KCNMB1: variants seen among roughly 807,000 people sequenced by gnomAD.
KCNMB1 encodes calcium-activated potassium channel subunit beta-1.
Under a neutral mutation model 21.7 loss-of-function variants are expected in KCNMB1, and 22 were observed. The ratio of observed to expected loss-of-function variants is 1.01; its 90% CI spans 0.72 to 1.45. The LOEUF (loss-of-function observed/expected upper bound fraction) is 1.45. Among genes scored for constraint, KCNMB1 ranks in the 40% most tolerant of loss-of-function variants. The probability of loss-of-function intolerance (pLI) is 0.00; values close to 1 mark genes in which losing one functional copy is unlikely to be tolerated. For missense variants in KCNMB1, 243 were observed against 243.4 expected, an observed-to-expected ratio of 1.00 and a Z score of 0.01; for synonymous variants, 114 against 107.6, an observed-to-expected ratio of 1.06 and a Z score of -0.37.
At position 170,377,266 on chromosome 5, in the gene KCNMB1, A is replaced by G. The variant is rs1764041309; in HGVS notation, c.*1438T>C. On this transcript the variant is annotated 3_prime_UTR_variant, in exon 4 of 4. Transcript: ENST00000274629. ...CATTGTTAGAACACAGAACATTGCT[A>G]CCCCCACCCCGTGCAGGGCTTCTGG... 1 of 151,974 alleles carries G rather than the reference A, an allele frequency of 6.6e-6. No homozygotes were observed. Among genetic ancestry groups the G allele is most frequent in the African/African-American group, 2.4e-5 (1 of 41,310 alleles). The allele number at this position is 151,974 out of a possible 1,614,324, so 9.4% of individuals were successfully genotyped here.
intron 1 of KCNMB1, among the ~76,000 whole-genome samples, chr5:170,385,846 G>A (rs1051560296): frequency 6.6e-6 from 1 of 152,038 alleles, no homozygotes; most frequent in African/African-American, 2.4e-5. Context: ...AAGGCCAGGT[G>A]CGGTGGCTCA....
At chr5:170,387,412 C>T (rs1338558051) in intron 1 of KCNMB1, among the ~76,000 whole-genome samples, 1 of 152,192 alleles carries the variant, frequency 6.6e-6, no homozygotes, top group Non-Finnish European at 1.5e-5. Flanking sequence ...ACTCCCTCCC[C>T]TTAGCCAGGC....
At chr5:170,386,480 C>A (rs1764477793) in intron 1 of KCNMB1, among the ~76,000 whole-genome samples, 1 of 152,146 alleles carries the variant, frequency 6.6e-6, no homozygotes, top group Non-Finnish European at 1.5e-5. Context: ...GTCATAGGTC[C>A]CATGCGGTGA....
rs1057351588 is a variant in KCNMB1, at chr5:170,378,791, C to A, written c.489G>T (p.Trp163Cys). Residue 163 changes from tryptophan (W) to cysteine (C), a missense_variant, in exon 4 of 4, where the codon TGG (tryptophan) becomes TGT (cysteine). Coordinates refer to ENST00000274629, the MANE Select transcript of KCNMB1 (RefSeq NM_004137.4). ...GGCCACCGGTCAGCAGGAAGGTGGG[C>A]CAGAAGAGGGAGAAGAGGAGGGCCT... ...GPQALLFSLF[W>C]PTFLLTGGLL... 1.9e-6 allele frequency: 3 copies of A among 1,614,168 alleles called. No homozygotes were observed. The highest frequency in any genetic ancestry group is 1.7e-6 in the Non-Finnish European group (2 of 1,180,038).
At chr5:170,380,144 T>C (rs1203083011) in intron 3 of KCNMB1, among the ~76,000 whole-genome samples, 2 of 152,292 alleles carry the variant, frequency 1.3e-5, no homozygotes, top group East Asian at 3.9e-4. Context: ...CGTTGATTAT[T>C]GTTATTAGGA....
intron 3 of KCNMB1, among the ~76,000 whole-genome samples, chr5:170,381,682 C>T (rs1581130400): frequency 6.6e-6 from 1 of 152,366 alleles, no homozygotes; most frequent in East Asian, 1.9e-4. Context: ...GTCCTTCCTT[C>T]ACATCCTGCT....
At position 170,385,379 on chromosome 5, in the gene KCNMB1, CA is replaced by C. The variant is rs1329143845; in HGVS notation, c.68del (p.Met23ArgfsTer33). ...ETRALCLGVT[M>X]VVCAVITYYI... ...AGTAGGTGATGACGGCACACACCACCATGGTTACACCCAGGCAAAGGGCTCG... is the reference window on the plus strand; with the variant it reads ...AGTAGGTGATGACGGCACACACCACCTGGTTACACCCAGGCAAAGGGCTCG... On this transcript the variant is annotated frameshift_variant, in exon 2 of 4. Coordinates refer to ENST00000274629, the MANE Select transcript of KCNMB1 (RefSeq NM_004137.4). LOFTEE classifies it high-confidence loss of function. 6.2e-7 allele frequency: 1 copy of C among 1,614,090 alleles called. No homozygotes were observed.
rs189792863 is a variant in KCNMB1, at chr5:170,375,246, T to C, written c.*3458A>G. 1 of 152,356 alleles carries C rather than the reference T, an allele frequency of 6.6e-6. No homozygotes were observed. The highest frequency in any genetic ancestry group is 1.5e-5 in the Non-Finnish European group (1 of 68,036). 9.4% of individuals were successfully genotyped at this position (152,356 alleles called of 1,614,324 possible). On this transcript the variant is annotated 3_prime_UTR_variant, in exon 4 of 4. Coordinates refer to ENST00000274629, the MANE Select transcript of KCNMB1 (RefSeq NM_004137.4). ...ATTTTGCAAAACTATAGTACAATATTACAATTAAGACTTTCTTAAAAGACT... is the reference window on the plus strand; with the variant it reads ...ATTTTGCAAAACTATAGTACAATATCACAATTAAGACTTTCTTAAAAGACT...
intron 2 of KCNMB1, 80 bp from the exon 3 acceptor site, chr5:170,383,930 C>CCTGGGAGCCTCTAGAGGGATCCAGGA: frequency 1.4e-6 from 2 of 1,468,112 alleles, no homozygotes; most frequent in Non-Finnish European, 9.3e-7. Context: ...CCCATTATCC[C>CCTGGGAGCCTCTAGAGGGATCCAGGA]CTGGGAGCCT....
intron 1 of KCNMB1, among the ~76,000 whole-genome samples, chr5:170,387,222 G>A (rs531962036): frequency 6.6e-6 from 1 of 152,106 alleles, no homozygotes; most frequent in African/African-American, 2.4e-5. Context: ...CAGATATCAG[G>A]GGGACTTTAT....
Position 170,383,640 on chromosome 5 carries a change from G to T in KCNMB1, c.306+39C>A, listed in dbSNP as rs538353830. The T allele has an allele frequency of 1.8e-4, 289 of 1,608,954 alleles. No individual in the cohort carries two copies. Among genetic ancestry groups the T allele is most frequent in the Non-Finnish European group, 2.4e-4 (283 of 1,175,732 alleles). ...TAGGAACAGGCTCACACACCTGACAGGGATAAAGGGATGTGTCCCCATCCC... is the reference window on the plus strand; with the variant it reads ...TAGGAACAGGCTCACACACCTGACATGGATAAAGGGATGTGTCCCCATCCC... On this transcript the variant is annotated intron_variant, in intron 3 of 3. Transcript: ENST00000274629.
intron 3 of KCNMB1, among the ~76,000 whole-genome samples, chr5:170,381,374 A>G (rs1764232487): frequency 6.6e-6 from 1 of 152,176 alleles, no homozygotes; most frequent in East Asian, 1.9e-4. Context: ...CCAGGCTAAG[A>G]CTCACAGGAA....
intron 3 of KCNMB1, among the ~76,000 whole-genome samples, chr5:170,381,773 C>A (rs1281049632): frequency 1.3e-5 from 2 of 152,194 alleles, no homozygotes; most frequent in East Asian, 3.9e-4. Context: ...CTGCTCTGGC[C>A]CATATCACTC....
intron 1 of KCNMB1, among the ~76,000 whole-genome samples, chr5:170,386,211 C>T (rs1047027302): frequency 6.6e-6 from 1 of 151,942 alleles, no homozygotes; most frequent in African/African-American, 2.4e-5. Flanking sequence ...AAATGTAATC[C>T]CAAGGGTCCT....
rs748026967 is a variant in KCNMB1, at chr5:170,385,298, C to T, written c.134+16G>A. 14 of 1,613,800 alleles carry T rather than the reference C, an allele frequency of 8.7e-6. No individual in the cohort carries two copies. The highest frequency in any genetic ancestry group is 1.6e-4 in the Middle Eastern group (1 of 6,076). ...GGAGAGGGTTGGGGGGTGGGCAGGCCGGGAGAGCTCAGTACCTTTTCTGGT... is the reference window on the plus strand; with the variant it reads ...GGAGAGGGTTGGGGGGTGGGCAGGCTGGGAGAGCTCAGTACCTTTTCTGGT... On this transcript the variant is annotated intron_variant, in intron 2 of 3. Transcript: ENST00000274629.
intron 3 of KCNMB1, among the ~76,000 whole-genome samples, chr5:170,380,796 A>G (rs1477682868): frequency 6.6e-6 from 1 of 152,156 alleles, no homozygotes; most frequent in Non-Finnish European, 1.5e-5. Flanking sequence ...CAGTGTGGCT[A>G]TGGAGTCAGA....
intron 1 of KCNMB1, among the ~76,000 whole-genome samples, chr5:170,386,475 A>G (rs1008188627): frequency 2.0e-5 from 3 of 152,194 alleles, no homozygotes; most frequent in Non-Finnish European, 4.4e-5. Flanking sequence ...CAACAGTCAT[A>G]GGTCCCATGC....
intron 3 of KCNMB1, chr5:170,383,356 G>A (rs921914856): frequency 3.4e-5 from 20 of 585,110 alleles, no homozygotes; most frequent in African/African-American, 1.9e-4. Flanking sequence ...AGCATCAAGC[G>A]TGGCACTTTA....
chr5:170,378,782 G>A lies in KCNMB1; in HGVS notation c.498C>T (p.Phe166=). The stretch of plus-strand genomic sequence containing the variant: ...TAATGAGGAGGCCACCGGTCAGCAG[G>A]AAGGTGGGCCAGAAGAGGGAGAAGA... ...ALLFSLFWPT[F]LLTGGLLIIA... The change falls in exon 4 of 4, where the codon TTC becomes TTT. Residue 166 remains phenylalanine, a synonymous_variant. Coordinates refer to ENST00000274629, the MANE Select transcript of KCNMB1 (RefSeq NM_004137.4). The A allele has an allele frequency of 2.5e-6, 4 of 1,614,272 alleles. No individual in the cohort carries two copies. The highest frequency in any genetic ancestry group is 2.5e-6 in the Non-Finnish European group (3 of 1,180,042).
Sources: gnomAD v4.1 joint callset for allele counts (sites outside exome capture counted in the v4.1 genomes callset) on GRCh38, gnomAD v4.1.1 for gene constraint, MANE v1.5 for transcripts, NCBI Gene and HGNC (gene_info 2026-07-23, HGNC 2026-07-21) for gene names.